The following FARP1 variants were observed in gnomAD, a reference collection of about 807,000 sequenced individuals.
The protein encoded by FARP1 is FERM, ARHGEF and pleckstrin domain-containing protein 1.
A neutral mutation model predicts 128.8 loss-of-function variants in FARP1; 52 were observed. That is an observed-to-expected ratio of 0.40 (90% CI 0.32 to 0.51). The LOEUF is 0.51. FARP1 is among the 20% of genes least tolerant of loss of function. FARP1 has a pLI of 0.45. For synonymous variants in FARP1, 580 were observed against 551.8 expected (o/e 1.05, Z -0.72); for missense variants, 1,333 against 1,367.9 (o/e 0.97, Z 0.40).
chr13:98,416,922 G>A (rs1331223407), intron 16 of FARP1, among the ~76,000 whole-genome samples: 1 of 152,198 alleles, frequency 6.6e-6, no homozygotes, highest in Non-Finnish European at 1.5e-5. Context: ...TTTTCATGGA[G>A]GATCAGCTGC....
chr13:98,370,442 T>C (rs2139983510), intron 5 of FARP1, among the ~76,000 whole-genome samples: 1 of 151,794 alleles, frequency 6.6e-6, no homozygotes, highest in South Asian at 2.1e-4. Flanking sequence ...CACCAATAGG[T>C]AGCAGTAGAA....
rs546542229 is a variant in FARP1, at chr13:98,257,078, A to G, written c.171+43665A>G. On this transcript the variant is annotated intron_variant, in intron 2 of 26. Coordinates refer to ENST00000319562, the MANE Select transcript of FARP1 (RefSeq NM_005766.4). ...TCTAAAAGATCAAGCGTTCTTCAAC[A>G]TAATCACTATTCCCTCGTCACACTT... Among the ~76,000 whole-genome samples, 8 of 151,050 alleles carry G rather than the reference A, an allele frequency of 5.3e-5. No individual in the cohort carries two copies. In the Admixed American group the frequency reaches 5.3e-4, roughly 10 times the overall value.
At chr13:98,161,135 C>T (rs570356925) in intron 1 of FARP1, among the ~76,000 whole-genome samples, 7 of 152,014 alleles carry the variant, frequency 4.6e-5, no homozygotes, top group South Asian at 4.1e-4. Context: ...TTTTTAAGAA[C>T]GCTCTATTTT....
intron 1 of FARP1, among the ~76,000 whole-genome samples, chr13:98,208,882 A>G (rs1349242807): frequency 6.6e-6 from 1 of 152,186 alleles, no homozygotes; most frequent in South Asian, 2.1e-4. Flanking sequence ...TTCATTAGGA[A>G]ACTTCTGGGG....
intron 1 of FARP1, among the ~76,000 whole-genome samples, chr13:98,179,613 CCAGCACTTTGGGAGGCTGAGG>C (rs1365653178): frequency 1.3e-5 from 2 of 151,964 alleles, no homozygotes; most frequent in Non-Finnish European, 2.9e-5. Flanking sequence ...ACCTATAATC[CCAGCACTTTGGGAGGCTGAGG>C]CAGGTGGATC....
chr13:98,383,470 C>T (rs905032591), intron 6 of FARP1: 1 of 152,202 alleles, frequency 6.6e-6, no homozygotes, highest in African/African-American at 2.4e-5. Context: ...AACAGATATC[C>T]TCAGTGGGTG....
chr13:98,250,347 C>T (rs1450039642), intron 2 of FARP1, among the ~76,000 whole-genome samples: 1 of 152,124 alleles, frequency 6.6e-6, no homozygotes, highest in Non-Finnish European at 1.5e-5. Context: ...TTCTTTCTCA[C>T]ATAATCTGTC....
At position 98,431,181 on chromosome 13, in the gene FARP1, C is replaced by T. The variant is rs934409274; in HGVS notation, c.2044C>T (p.Leu682Phe). The change falls in exon 18 of 27, where the codon CTC (leucine) becomes TTC (phenylalanine). Residue 682 changes from leucine (L) to phenylalanine (F), a missense_variant. By Grantham distance (22) the Leu-to-Phe change is conservative (BLOSUM62 0). This residue lies in a region of FARP1 where 1,009 missense variants were observed against 969.8 expected (regional missense o/e 1.04). Coordinates refer to ENST00000319562, the MANE Select transcript of FARP1 (RefSeq NM_005766.4). ...GTGTTACCTACCGCTCAACACCTTCCTCCTGCGGCCACTGCACCGGCTCAT... is the reference window on the plus strand; with the variant it reads ...GTGTTACCTACCGCTCAACACCTTCTTCCTGCGGCCACTGCACCGGCTCAT... ...KVCYLPLNTF[L>F]LRPLHRLMHY... 3 of 1,613,522 alleles carry T rather than the reference C, an allele frequency of 1.9e-6. No homozygotes were observed. Among genetic ancestry groups the T allele is most frequent in the Non-Finnish European group, 2.5e-6 (3 of 1,179,804 alleles).
chr13:98,371,869 C>A (rs962539929), intron 5 of FARP1, among the ~76,000 whole-genome samples: 1 of 152,162 alleles, frequency 6.6e-6, no homozygotes, highest in Non-Finnish European at 1.5e-5. Context: ...CCAGGAATAG[C>A]TCTTTCAGCT....
chr13:98,449,010 C>CTGTT lies in FARP1; in HGVS notation c.*694_*697dup, dbSNP rs1566332851. 1.3e-5 allele frequency: 2 copies of CTGTT among 152,050 alleles called. No individual in the cohort carries two copies. The highest frequency in any genetic ancestry group is 2.9e-5 in the Non-Finnish European group (2 of 68,076). 9.4% of individuals were successfully genotyped at this position (152,050 alleles called of 1,614,324 possible). On this transcript the variant is annotated 3_prime_UTR_variant, in exon 27 of 27. Transcript: ENST00000319562. ...TTTCCAACCGTAGCAGGGTTGTTTT[C>CTGTT]TGTTAAGCAAAGCCGAGATCCAGTG... is the stretch of plus-strand genomic sequence containing the variant.
intron 1 of FARP1, among the ~76,000 whole-genome samples, chr13:98,204,399 G>C (rs694437): frequency 0.93 from 141,844 of 152,242 alleles, 66,940 homozygotes; most frequent in East Asian, 1. Flanking sequence ...GAGGTAATAG[G>C]TAACTTACAG....
Position 98,431,142 on chromosome 13 carries a change from G to A in FARP1, c.2005G>A (p.Glu669Lys). 1 of 1,614,010 alleles carries A rather than the reference G, an allele frequency of 6.2e-7. No individual in the cohort carries two copies. The highest frequency in any genetic ancestry group is 8.5e-7 in the Non-Finnish European group (1 of 1,179,910). The change falls in exon 18 of 27, where the codon GAG becomes AAG. Residue 669 changes from glutamate to lysine, a missense_variant. Transcript: ENST00000319562. ...GCTGGAGAACTTCTGCAGAGACTTT[G>A]AGCTGCAGAAGGTGTGTTACCTACC... ...RRLENFCRDF[E>K]LQKVCYLPLN...
chr13:98,260,134 A>G (rs1883803761), intron 2 of FARP1, among the ~76,000 whole-genome samples: 1 of 152,180 alleles, frequency 6.6e-6, no homozygotes, highest in Non-Finnish European at 1.5e-5. Flanking sequence ...GGTAAATACA[A>G]GTTTTAAAAA....
intron 2 of FARP1, among the ~76,000 whole-genome samples, chr13:98,305,406 C>T (rs1174004985): frequency 6.6e-6 from 1 of 151,926 alleles, no homozygotes; most frequent in Non-Finnish European, 1.5e-5. Context: ...CAGCTCACCG[C>T]AGCCTCCATC....
intron 2 of FARP1, among the ~76,000 whole-genome samples, chr13:98,300,086 A>G (rs1239024112): frequency 6.6e-6 from 1 of 152,140 alleles, no homozygotes; most frequent in Non-Finnish European, 1.5e-5. Flanking sequence ...AGTCCCAGTA[A>G]TAGGCCAAGA....
intron 2 of FARP1, among the ~76,000 whole-genome samples, chr13:98,216,628 C>A (rs765689332): frequency 6.6e-6 from 1 of 152,100 alleles, no homozygotes; most frequent in Non-Finnish European, 1.5e-5. Flanking sequence ...AAATGCAAAT[C>A]CCCTAAACAC....
chr13:98,171,466 T>G (rs1278397573), intron 1 of FARP1, among the ~76,000 whole-genome samples: 1 of 152,204 alleles, frequency 6.6e-6, no homozygotes, highest in East Asian at 1.9e-4. Flanking sequence ...ACCTCTCTCT[T>G]GCTTTCTGTC....
chr13:98,246,805 A>C (rs529645282), intron 2 of FARP1, among the ~76,000 whole-genome samples: 139 of 152,306 alleles, frequency 9.1e-4, no homozygotes, highest in Non-Finnish European at 1.7e-3. Context: ...AGAGCCCTGA[A>C]ATGGAACATT....
intron 2 of FARP1, among the ~76,000 whole-genome samples, chr13:98,268,759 C>T (rs1294088433): frequency 6.8e-6 from 1 of 147,146 alleles, no homozygotes; most frequent in Non-Finnish European, 1.5e-5. Flanking sequence ...TGAGCTACTG[C>T]ATCTGGCCTT....
Sources: gnomAD v4.1 joint callset for allele counts (sites outside exome capture counted in the v4.1 genomes callset) on GRCh38, gnomAD v4.1.1 for gene constraint, gnomAD v4.1.1 regional missense constraint, MANE v1.5 for transcripts, NCBI Gene and HGNC (gene_info 2026-07-23, HGNC 2026-07-21) for gene names.